The following RASAL2 variants were observed in gnomAD, a reference collection of about 807,000 sequenced individuals.
RASAL2 encodes RAS protein activator like 2.
In RASAL2, 58 loss-of-function variants were observed where a neutral mutation model predicts 128.9. The observed-to-expected ratio is 0.45, with a 90% CI of 0.36 to 0.56. The LOEUF (loss-of-function observed/expected upper bound fraction) is 0.56, where lower values mean the gene tolerates loss of function less well. Among genes scored for constraint, RASAL2 ranks in the 20% least tolerant of loss-of-function variants. The pLI is 0.00. For synonymous variants in RASAL2, 561 were observed against 580.8 expected (o/e 0.97, Z 0.49); for missense variants, 1,360 against 1,601.6 (o/e 0.85, Z 2.57).
At chr1:178,114,786 G>T (rs931597786) in intron 1 of RASAL2, among the ~76,000 whole-genome samples, 6 of 152,076 alleles carry the variant, frequency 3.9e-5, no homozygotes, top group African/African-American at 1.2e-4. Context: ...CCTCCCAAAG[G>T]GCTGGGATTA....
chr1:178,436,482 C>T (rs1030458859), intron 5 of RASAL2, among the ~76,000 whole-genome samples: 5 of 151,880 alleles, frequency 3.3e-5, no homozygotes, highest in African/African-American at 1.2e-4. Context: ...ACTGGAAATA[C>T]AGTGAAAAAA....
intron 3 of RASAL2, among the ~76,000 whole-genome samples, chr1:178,365,925 A>G (rs752740442): frequency 1.2e-4 from 18 of 152,196 alleles, no homozygotes; most frequent in Non-Finnish European, 2.2e-4. Context: ...TGCAATCAGT[A>G]CCCATGATTT....
intron 4 of RASAL2, among the ~76,000 whole-genome samples, chr1:178,400,430 C>T (rs184994802): frequency 5.3e-5 from 8 of 152,218 alleles, no homozygotes; most frequent in Admixed American, 4.6e-4. Context: ...TAACCTTGGC[C>T]GTCTCTGTCC....
At chr1:178,220,911 G>A (rs1663591943) in intron 1 of RASAL2, among the ~76,000 whole-genome samples, 1 of 152,204 alleles carries the variant, frequency 6.6e-6, no homozygotes, top group South Asian at 2.1e-4. Context: ...GTGGACATAA[G>A]CTTTCAGCTC....
chr1:178,459,213 AT>A (rs1286821035), intron 14 of RASAL2, among the ~76,000 whole-genome samples: 1 of 152,116 alleles, frequency 6.6e-6, no homozygotes, highest in African/African-American at 2.4e-5. Context: ...AGTTTTTCTA[AT>A]TTTTTTATTG....
At chr1:178,150,842 A>G (rs968087773) in intron 1 of RASAL2, among the ~76,000 whole-genome samples, 9 of 152,132 alleles carry the variant, frequency 5.9e-5, no homozygotes, top group Admixed American at 5.9e-4. Context: ...GAAAAAAGCA[A>G]CACTCTGCCT....
At chr1:178,266,031 G>C (rs1256222884) in intron 1 of RASAL2, among the ~76,000 whole-genome samples, 1 of 151,980 alleles carries the variant, frequency 6.6e-6, no homozygotes, top group African/African-American at 2.4e-5. Context: ...ATTGTTTCTA[G>C]CTTTTGGCAA....
chr1:178,258,705 T>G (rs1665507257), intron 1 of RASAL2, among the ~76,000 whole-genome samples: 1 of 152,206 alleles, frequency 6.6e-6, no homozygotes, highest in East Asian at 1.9e-4. Flanking sequence ...CTGGCAGTTC[T>G]TCAAACAATT....
rs1363049821 is a variant in RASAL2 at position 178,317,834 on chromosome 1, G to A, written c.457+17716G>A. Reference sequence around the variant, plus strand: ...TTTAGTTATTTCTTGCCCTCTGCTAGCTTTTGAATGTGTTTGCTCTGGCTT... The same window carrying A: ...TTTAGTTATTTCTTGCCCTCTGCTAACTTTTGAATGTGTTTGCTCTGGCTT... On this transcript the variant is annotated intron_variant, in intron 3 of 17. Transcript: ENST00000367649. Among the ~76,000 whole-genome samples the A allele has an allele frequency of 5.3e-5, 8 of 151,466 alleles. No homozygotes were observed. In the East Asian group the frequency reaches 1.5e-3, roughly 29 times the overall value.
At position 178,289,801 on chromosome 1, in the gene RASAL2, C is replaced by T. The variant is rs531959055; in HGVS notation, c.330+6110C>T. Among the ~76,000 whole-genome samples, 28 of 152,326 alleles carry T rather than the reference C, an allele frequency of 1.8e-4. No individual in the cohort carries two copies. The Middle Eastern group carries it at 0.014, about 74-fold the overall frequency. On this transcript the variant is annotated intron_variant, in intron 2 of 17. Coordinates refer to ENST00000367649, the MANE Select transcript of RASAL2 (RefSeq NM_170692.4). ...TTTCAAAGGCCAAAAGCTTCCCCAA[C>T]GTGCTACTTTCCAGACATACTGTCT...
Position 178,145,701 on chromosome 1 carries a change from T to C in RASAL2, c.202+51007T>C, listed in dbSNP as rs183002919. The stretch of plus-strand genomic sequence containing the variant: ...AACGGGTAGTCATTAAGGACCAGTT[T>C]CCTCTTCTTCCTATCATCATCTGGC... On this transcript the variant is annotated intron_variant, in intron 1 of 17. Transcript: ENST00000367649. 9.2e-5 allele frequency among the ~76,000 whole-genome samples: 14 copies of C among 152,286 alleles called. No individual in the cohort carries two copies. The East Asian group carries it at 2.7e-3, about 29-fold the overall frequency.
At chr1:178,439,607 A>T in intron 6 of RASAL2, 32 bp downstream of exon 6, 1 of 1,599,792 alleles carries the variant, frequency 6.3e-7, no homozygotes, top group Non-Finnish European at 8.5e-7. Flanking sequence ...AAGGAAGAGT[A>T]GTTAAACAAC....
chr1:178,360,175 C>T (rs1671033966), intron 3 of RASAL2, among the ~76,000 whole-genome samples: 1 of 152,140 alleles, frequency 6.6e-6, no homozygotes, highest in Admixed American at 6.5e-5. Context: ...CCCAACCCCA[C>T]CATGGAGTAG....
At chr1:178,250,923 G>A (rs1665025936) in intron 1 of RASAL2, among the ~76,000 whole-genome samples, 1 of 152,120 alleles carries the variant, frequency 6.6e-6, no homozygotes, top group Non-Finnish European at 1.5e-5. Context: ...GCTTACATGA[G>A]GATGTAAAGC....
At chr1:178,149,209 GATAAT>G (rs1660831295) in intron 1 of RASAL2, among the ~76,000 whole-genome samples, 1 of 152,106 alleles carries the variant, frequency 6.6e-6, no homozygotes, top group Admixed American at 6.5e-5. Context: ...TAAACTTACA[GATAAT>G]ATAAGAAGAG....
At chr1:178,287,050 C>T (rs1055578248) in intron 2 of RASAL2, among the ~76,000 whole-genome samples, 1 of 152,112 alleles carries the variant, frequency 6.6e-6, no homozygotes, top group Admixed American at 6.6e-5. Flanking sequence ...TATAAAGCCT[C>T]TGATGTCCTC....
chr1:178,469,884 C>G (rs556503849), intron 17 of RASAL2, among the ~76,000 whole-genome samples: 1 of 152,164 alleles, frequency 6.6e-6, no homozygotes, highest in Non-Finnish European at 1.5e-5. Flanking sequence ...ACTGTGGATC[C>G]CTAAAGAATA....
chr1:178,308,115 A>C (rs16852660), intron 3 of RASAL2, among the ~76,000 whole-genome samples: 7,505 of 152,152 alleles, frequency 0.049, 222 homozygotes, highest in South Asian at 0.08. Flanking sequence ...TTTTATAAAA[A>C]CTGTGCCTGT....
Position 178,387,055 on chromosome 1 carries a change from T to C in RASAL2, c.458-3045T>C, listed in dbSNP as rs28636406. On this transcript the variant is annotated intron_variant, in intron 3 of 17. Transcript: ENST00000367649. ...TTGCTTCTAAGTGGACATTGGTACT[T>C]GGGGTATTTATTTTTCTGTATGCTT... Among the ~76,000 whole-genome samples, 1,216 of 152,276 alleles carry C rather than the reference T, an allele frequency of 8.0e-3. 18 individuals carry two copies. The highest frequency in any genetic ancestry group is 0.027 in the African/African-American group (1,142 of 41,552).
Sources: gnomAD v4.1 joint callset for allele counts (sites outside exome capture counted in the v4.1 genomes callset) on GRCh38, gnomAD v4.1.1 for gene constraint, MANE v1.5 for transcripts, NCBI Gene and HGNC (gene_info 2026-07-23, HGNC 2026-07-21) for gene names.